Variants in GDNF observed in about 807,000 individuals in gnomAD.
The protein encoded by GDNF is glial cell line-derived neurotrophic factor.
A neutral mutation model predicts 13.7 loss-of-function variants in GDNF; 5 were observed. That is an observed-to-expected ratio of 0.36 (90% confidence interval 0.19 to 0.77). GDNF has a LOEUF of 0.77. Ranked by LOEUF, GDNF falls within the 30% of genes least tolerant of loss-of-function variation. GDNF has a pLI of 0.51. For synonymous variants in GDNF, 122 were observed against 112.5 expected, an observed-to-expected ratio of 1.08 and a Z score of -0.53; for missense variants, 246 against 274.3, an observed-to-expected ratio of 0.90 and a Z score of 0.73.
chr5:37,837,633 T>C lies in GDNF; in HGVS notation c.-27+1874A>G, dbSNP rs1457943548. On this transcript the variant is annotated intron_variant, in intron 1 of 2. Coordinates refer to ENST00000326524, the MANE Select transcript of GDNF (RefSeq NM_000514.4). The surrounding 1 kb of genome is among the most constrained non-coding windows in gnomAD (Gnocchi z 6.5). ...GGAGGCTGTGTTATCATTTTAGTTATAAAACCGGAGAACCACCACTCCCTC... is the reference window on the plus strand; with the variant it reads ...GGAGGCTGTGTTATCATTTTAGTTACAAAACCGGAGAACCACCACTCCCTC... Among the ~76,000 whole-genome samples the C allele has an allele frequency of 1.3e-5, 2 of 152,222 alleles. No individual in the cohort carries two copies. The highest frequency in any genetic ancestry group is 2.9e-5 in the Non-Finnish European group (2 of 68,034).
chr5:37,835,727 T>A, intron 1 of GDNF: 1 of 1,345,716 alleles, frequency 7.4e-7, no homozygotes, highest in Non-Finnish European at 1.0e-6. Flanking sequence ...TTTGCACCTT[T>A]GAGAGATTCT....
intron 2 of GDNF, among the ~76,000 whole-genome samples, chr5:37,829,056 CA>C (rs1218104747): frequency 1.3e-5 from 2 of 152,250 alleles, no homozygotes; most frequent in Non-Finnish European, 2.9e-5. Context: ...CCACTGCTAT[CA>C]AAAACAGAGC....
chr5:37,826,493 G>A (rs1489257775), intron 2 of GDNF, among the ~76,000 whole-genome samples: 2 of 152,232 alleles, frequency 1.3e-5, no homozygotes, highest in Non-Finnish European at 2.9e-5. Flanking sequence ...ATGGTGGGTT[G>A]TGGGCAGAAG....
At chr5:37,827,609 C>T (rs1357741256) in intron 2 of GDNF, among the ~76,000 whole-genome samples, 1 of 152,214 alleles carries the variant, frequency 6.6e-6, no homozygotes, top group Admixed American at 6.5e-5. Flanking sequence ...CTTTGCTTAT[C>T]TGACTGTTCA....
At chr5:37,819,362 G>A (rs955164666) in intron 2 of GDNF, among the ~76,000 whole-genome samples, 5 of 151,798 alleles carry the variant, frequency 3.3e-5, no homozygotes, top group Middle Eastern at 6.9e-3. Flanking sequence ...TTAACTCTCA[G>A]TGCCCACCTC....
At chr5:37,817,368 G>T (rs1372236502) in intron 2 of GDNF, among the ~76,000 whole-genome samples, 1 of 152,124 alleles carries the variant, frequency 6.6e-6, no homozygotes, top group Non-Finnish European at 1.5e-5. Context: ...TCATTTTTCA[G>T]GTCATTTAGT....
At chr5:37,827,227 C>G (rs1205350990) in intron 2 of GDNF, among the ~76,000 whole-genome samples, 3 of 149,004 alleles carry the variant, frequency 2.0e-5, no homozygotes, top group Non-Finnish European at 4.5e-5. Flanking sequence ...AAAAACAAAA[C>G]ATAAAGGACA....
intron 2 of GDNF, among the ~76,000 whole-genome samples, chr5:37,827,300 T>C (rs1267141849): frequency 1.3e-5 from 2 of 152,192 alleles, no homozygotes. Flanking sequence ...ATTATATCCA[T>C]GTTAAATTTC....
rs1415466271 is a variant in GDNF at position 37,816,017 on chromosome 5, C to G, written c.270G>C (p.Glu90Asp). The change falls in exon 3 of 3, where the codon GAG becomes GAC. Residue 90 changes from glutamate (E) to aspartate (D), a missense_variant. Transcript: ENST00000326524. ...DKQMAVLPRRERNRQAAAANP... is the reference protein window; with the variant it reads ...DKQMAVLPRRDRNRQAAAANP... ...TGGCAGCTGCAGCCTGCCGATTCCG[C>G]TCTCTTCTAGGAAGCACTGCCATTT... 1 of 1,613,904 alleles carries G rather than the reference C, an allele frequency of 6.2e-7. No homozygotes were observed. Among genetic ancestry groups the G allele is most frequent in the Non-Finnish European group, 8.5e-7 (1 of 1,179,774 alleles).
rs1353727315 is a variant in GDNF, at chr5:37,815,870, T to C, written c.417A>G (p.Glu139=). The C allele has an allele frequency of 3.1e-6, 5 of 1,614,060 alleles. No individual in the cohort carries two copies. The highest frequency in any genetic ancestry group is 4.2e-6 in the Non-Finnish European group (5 of 1,180,028). ...DLGLGYETKE[E]LIFRYCSGSC... is the part of the protein sequence containing the mutation. The stretch of plus-strand genomic sequence containing the variant: ...AGCCGCTGCAGTACCTAAAAATCAG[T>C]TCCTCCTTGGTTTCATAGCCCAGAC... Residue 139 remains glutamate, a synonymous_variant, in exon 3 of 3, where the codon GAA becomes GAG. Coordinates refer to ENST00000326524, the MANE Select transcript of GDNF (RefSeq NM_000514.4). This position sits in a 1 kb window ranked among gnomAD's most constrained non-coding sequence, Gnocchi z 5.0.
intron 2 of GDNF, among the ~76,000 whole-genome samples, chr5:37,828,457 C>T (rs1177318489): frequency 1.3e-5 from 2 of 152,210 alleles, no homozygotes; most frequent in Non-Finnish European, 2.9e-5. Flanking sequence ...ATTTGATAGT[C>T]TCTGCTTCTC....
At chr5:37,828,797 G>A (rs1172475967) in intron 2 of GDNF, among the ~76,000 whole-genome samples, 2 of 152,198 alleles carry the variant, frequency 1.3e-5, no homozygotes, top group Non-Finnish European at 2.9e-5. Flanking sequence ...GTTAAAAGGT[G>A]CTAGGTCATT....
At chr5:37,834,035 G>C (rs1750611693) in intron 2 of GDNF, among the ~76,000 whole-genome samples, 1 of 152,194 alleles carries the variant, frequency 6.6e-6, no homozygotes, top group South Asian at 2.1e-4. Context: ...CCTAGTCCCA[G>C]CCAGCACTAT....
intron 2 of GDNF, among the ~76,000 whole-genome samples, chr5:37,816,749 G>A (rs1280333109): frequency 3.3e-5 from 5 of 152,154 alleles, no homozygotes; most frequent in Non-Finnish European, 5.9e-5. Context: ...CCTTCATCTG[G>A]AATACTGAGT....
intron 1 of GDNF, among the ~76,000 whole-genome samples, chr5:37,835,229 G>T (rs1293317102): frequency 6.6e-6 from 1 of 150,598 alleles, no homozygotes; most frequent in African/African-American, 2.4e-5. Flanking sequence ...ACCCCAACCA[G>T]AGACCTCCCC....
chr5:37,825,038 G>GA (rs1482910377), intron 2 of GDNF, among the ~76,000 whole-genome samples: 1 of 152,152 alleles, frequency 6.6e-6, no homozygotes, highest in Non-Finnish European at 1.5e-5. Flanking sequence ...TTAGAATATA[G>GA]AAAAAGAAGC....
intron 2 of GDNF, among the ~76,000 whole-genome samples, chr5:37,829,878 G>A (rs1750458535): frequency 1.3e-5 from 2 of 152,226 alleles, no homozygotes; most frequent in South Asian, 2.1e-4. Flanking sequence ...CAGATCTCAA[G>A]TAAAGAATCA....
At chr5:37,832,205 G>A (rs1750546989) in intron 2 of GDNF, among the ~76,000 whole-genome samples, 2 of 152,242 alleles carry the variant, frequency 1.3e-5, no homozygotes, top group Admixed American at 1.3e-4. Context: ...CAAGTATTTG[G>A]ATGGAACTAG....
intron 2 of GDNF, among the ~76,000 whole-genome samples, chr5:37,829,230 C>A (rs1222057905): frequency 6.6e-6 from 1 of 152,192 alleles, no homozygotes; most frequent in African/African-American, 2.4e-5. Context: ...CACAAATTTT[C>A]CCATGCTACT....
Sources: allele counts gnomAD v4.1 joint callset (sites outside exome capture counted in the v4.1 genomes callset), GRCh38; gene constraint gnomAD v4.1.1; non-coding constraint Gnocchi (gnomAD v3.1); transcripts MANE v1.5; gene names NCBI Gene and HGNC (gene_info 2026-07-23, HGNC 2026-07-21).